NUP210L: variants seen among roughly 807,000 people sequenced by gnomAD.
NUP210L encodes the protein nucleoporin 210 like.
NUP210L carries 74 observed loss-of-function variants against 208.5 expected under a neutral mutation model. That is an observed-to-expected ratio of 0.35 (90% CI 0.29 to 0.43). The LOEUF is 0.43. NUP210L is among the 20% of genes least tolerant of loss of function. The pLI, the probability that NUP210L is intolerant of heterozygous loss-of-function variation, is 1.00. For synonymous variants in NUP210L, 780 were observed against 816.9 expected (o/e 0.95, Z 0.77); for missense variants, 1,843 against 2,289.4 (o/e 0.81, Z 3.98).
At chr1:154,140,436 G>A (rs1571321865) in intron 4 of NUP210L, among the ~76,000 whole-genome samples, 1 of 151,776 alleles carries the variant, frequency 6.6e-6, no homozygotes. Flanking sequence ...GGAGGCAGAG[G>A]CGGGTGGATC....
intron 16 of NUP210L, among the ~76,000 whole-genome samples, chr1:154,074,488 ATTTT>A (rs113689298): frequency 8.0e-6 from 1 of 125,786 alleles, no homozygotes; most frequent in East Asian, 2.3e-4. Flanking sequence ...TGGGATCACG[ATTTT>A]TTTTTTTTTT....
chr1:154,120,954 A>T (rs1383832696), intron 10 of NUP210L, among the ~76,000 whole-genome samples: 1 of 152,036 alleles, frequency 6.6e-6, no homozygotes, highest in African/African-American at 2.4e-5. Flanking sequence ...GTACTTTAAA[A>T]ATCCCTTTAT....
At chr1:154,034,559 C>T (rs913015775) in intron 27 of NUP210L, among the ~76,000 whole-genome samples, 1 of 152,102 alleles carries the variant, frequency 6.6e-6, no homozygotes. Flanking sequence ...GAACTCCTGA[C>T]CTCAAGTGAT....
At chr1:154,068,152 C>T (rs1480308649) in intron 17 of NUP210L, among the ~76,000 whole-genome samples, 1 of 152,096 alleles carries the variant, frequency 6.6e-6, no homozygotes, top group Non-Finnish European at 1.5e-5. Context: ...AAGAAGAAAG[C>T]TGGAGGCATC....
chr1:154,054,313 G>A (rs750971442), exon 25 of NUP210L: 6 of 1,614,180 alleles, frequency 3.7e-6, no homozygotes, highest in Non-Finnish European at 3.4e-6. Context: ...AATCTTCCCT[G>A]TAACTTGCCC....
chr1:154,108,468 T>TCAACAAC (rs1557982146), intron 12 of NUP210L, among the ~76,000 whole-genome samples: 6 of 151,816 alleles, frequency 4.0e-5, no homozygotes, highest in African/African-American at 1.2e-4. Context: ...GCAACCAGCC[T>TCAACAAC]AGAGTTTTGA....
intron 8 of NUP210L, among the ~76,000 whole-genome samples, chr1:154,128,959 GCTT>G (rs1381419314): frequency 6.6e-6 from 1 of 152,178 alleles, no homozygotes; most frequent in African/African-American, 2.4e-5. Context: ...CAATATTTCA[GCTT>G]CTTTCAGTCA....
intron 39 of NUP210L, 38 bp from the exon 40 acceptor site, chr1:153,992,973 T>C (rs1319244767): frequency 8.1e-6 from 13 of 1,607,698 alleles, no homozygotes; most frequent in Non-Finnish European, 1.1e-5. Flanking sequence ...ATTAAACGTG[T>C]GTATCTGAGC....
In NUP210L at chr1:154,104,000, G is replaced by T; in HGVS notation, c.1819+12C>A. On this transcript the variant is annotated intron_variant, in intron 13 of 39. Coordinates refer to ENST00000368559, the Ensembl canonical transcript of NUP210L. ...AGACAAAGGAAGGAGAAGATAAAAA[G>T]GCTACTTTTACCTTCTTTGAGAAGA... The T allele has an allele frequency of 1.3e-6, 2 of 1,591,276 alleles. No individual in the cohort carries two copies. The highest frequency in any genetic ancestry group is 1.7e-6 in the Non-Finnish European group (2 of 1,164,544).
exon 32 of NUP210L, chr1:154,022,340 A>C: frequency 6.2e-7 from 1 of 1,612,340 alleles, no homozygotes; most frequent in Non-Finnish European, 8.5e-7. Context: ...GCAGCAAGTC[A>C]TCTCTGCAAG....
At chr1:154,118,843 T>C (rs1657466997) in intron 10 of NUP210L, 35 bp from the exon 11 acceptor site, 1 of 1,350,422 alleles carries the variant, frequency 7.4e-7, no homozygotes, top group African/African-American at 1.4e-5. Context: ...AAAATATATT[T>C]ATAAGGACTA....
At chr1:154,127,738 A>C (rs910924009) in intron 8 of NUP210L, among the ~76,000 whole-genome samples, 1 of 152,056 alleles carries the variant, frequency 6.6e-6, no homozygotes, top group Non-Finnish European at 1.5e-5. Context: ...TATTTTTAGT[A>C]GAGATGAGGT....
chr1:154,129,004 TAA>T (rs1262443813), intron 8 of NUP210L, among the ~76,000 whole-genome samples: 1 of 152,250 alleles, frequency 6.6e-6, no homozygotes, highest in East Asian at 1.9e-4. Flanking sequence ...CTATGAGCGT[TAA>T]GATTCTTTTT....
chr1:154,055,580 G>A (rs1027140141), intron 23 of NUP210L, among the ~76,000 whole-genome samples: 1 of 152,002 alleles, frequency 6.6e-6, no homozygotes, highest in Admixed American at 6.6e-5. Context: ...ATTTTTGGCA[G>A]AGATGGGGTC....
At chr1:154,100,655 A>AT (rs1656422466) in intron 13 of NUP210L, among the ~76,000 whole-genome samples, 1 of 148,392 alleles carries the variant, frequency 6.7e-6, no homozygotes, top group Non-Finnish European at 1.5e-5. Context: ...AGTAACTGGG[A>AT]TTACAGGCAC....
intron 2 of NUP210L, among the ~76,000 whole-genome samples, chr1:154,152,316 T>G (rs1323249049): frequency 6.6e-6 from 1 of 151,006 alleles, no homozygotes; most frequent in Non-Finnish European, 1.5e-5. Flanking sequence ...GGACTACAGG[T>G]GTGCGCCACC....
In NUP210L at chr1:154,023,172, G is replaced by C. The variant is rs765180961; in HGVS notation, c.4248C>G (p.Ile1416Met). 3 of 1,613,924 alleles carry C rather than the reference G, an allele frequency of 1.9e-6. No individual in the cohort carries two copies. The Admixed American group carries it at 5.0e-5, about 27-fold the overall frequency. ...TATTGTGTGTGTGGAATTTCTCTCC[G>C]ATACTATTATAAAACTGAACAGTGA... is the stretch of plus-strand genomic sequence containing the variant. Residue 1416 changes from isoleucine (I) to methionine (M), a missense_variant, in exon 31 of 40, where the codon ATC (isoleucine) becomes ATG (methionine). Physicochemically the swap from Ile to Met is conservative, Grantham distance 10 (BLOSUM62 1). Around this residue, in one of 5 missense-constraint regions of NUP210L, gnomAD observed 781 missense variants for 973.8 expected, o/e 0.80. Transcript: ENST00000368559.
At chr1:154,002,033 T>A (rs779847239) in intron 35 of NUP210L, 48 bp from the exon 36 acceptor site, 2 of 1,582,358 alleles carry the variant, frequency 1.3e-6, no homozygotes, top group Admixed American at 1.8e-5. Context: ...AGAGGCTCTA[T>A]TGAGCCAACT....
At chr1:154,113,010 G>T (rs1393838772) in intron 12 of NUP210L, among the ~76,000 whole-genome samples, 2 of 151,040 alleles carry the variant, frequency 1.3e-5, no homozygotes, top group Non-Finnish European at 3.0e-5. Flanking sequence ...TACAAAAATT[G>T]ACTGGGCATG....
Sources: allele counts gnomAD v4.1 joint callset (sites outside exome capture counted in the v4.1 genomes callset), GRCh38; gene constraint gnomAD v4.1.1; regional missense constraint gnomAD v4.1.1; transcripts MANE v1.5; gene names NCBI Gene and HGNC (gene_info 2026-07-23, HGNC 2026-07-21).